The following KCNAB3 variants were observed in gnomAD, a reference collection of about 807,000 sequenced individuals.
The protein encoded by KCNAB3 is voltage-gated potassium channel subunit beta-3.
In KCNAB3, 62 loss-of-function variants were observed where a neutral mutation model predicts 67.7. The ratio of observed to expected loss-of-function variants is 0.92; its 90% confidence interval spans 0.75 to 1.13. The LOEUF is 1.13. Ranked by LOEUF, KCNAB3 falls within the 50% of genes most tolerant of loss-of-function variation. The pLI is 0.00. For synonymous variants in KCNAB3, 212 were observed against 205.4 expected (o/e 1.03, Z -0.27); for missense variants, 514 against 522.9 (o/e 0.98, Z 0.17).
intron 1 of KCNAB3, chr17:7,928,173 G>A (rs985789412): frequency 1.5e-5 from 6 of 409,716 alleles, no homozygotes; most frequent in Non-Finnish European, 2.7e-5. Context: ...GGGGCTGGGA[G>A]GAATTTTGTT....
At chr17:7,926,139 C>T in intron 4 of KCNAB3, 36 bp from the exon 5 acceptor site, 1 of 1,612,418 alleles carries the variant, frequency 6.2e-7, no homozygotes, top group Non-Finnish European at 8.5e-7. Flanking sequence ...CTGATCCCTT[C>T]TAGGCCAATC....
rs1272957694 is a variant in KCNAB3, at chr17:7,925,123, C to T, written c.599G>A (p.Arg200His). The T allele has an allele frequency of 1.7e-5, 28 of 1,613,424 alleles. No individual in the cohort carries two copies. Among genetic ancestry groups the T allele is most frequent in the East Asian group, 4.5e-5 (2 of 44,850 alleles). ...CTCCATAGGACAGTTGGGGTCTGAG[C>T]GATTGGCAAAGACAATGTCCACGTA... Reference protein sequence around the residue: ...LGYVDIVFANRSDPNCPMEEI... With the variant: ...LGYVDIVFANHSDPNCPMEEI... The change falls in exon 8 of 14, where the codon CGC (arginine) becomes CAC (histidine). Residue 200 changes from arginine (R) to histidine (H), a missense_variant. Coordinates refer to ENST00000303790, the MANE Select transcript of KCNAB3 (RefSeq NM_004732.4).
At chr17:7,928,516 G>C (rs759709028) in intron 1 of KCNAB3, among the ~76,000 whole-genome samples, 26 of 152,026 alleles carry the variant, frequency 1.7e-4, no homozygotes, top group Non-Finnish European at 3.4e-4. Context: ...CCATATAGAG[G>C]GGATCAGATT....
In KCNAB3 at chr17:7,923,719, A is replaced by G; in HGVS notation, c.1040T>C (p.Leu347Pro). The change falls in exon 12 of 14, where the codon CTT becomes CCT. Residue 347 changes from leucine (L) to proline (P), a missense_variant. Physicochemically the swap from Leu to Pro is moderately conservative, Grantham distance 98. Transcript: ENST00000303790. Reference protein sequence around the residue: ...AHQLGCTVAQLAIAWCLRSEG... With the variant: ...AHQLGCTVAQPAIAWCLRSEG... The stretch of plus-strand genomic sequence containing the variant: ...AGGGTGCAATGTCTCACCAATAGCA[A>G]GCTGGGCCACGGTGCAGCCCAGCTG... The G allele has an allele frequency of 3.8e-6, 6 of 1,561,520 alleles. No individual in the cohort carries two copies. Among genetic ancestry groups the G allele is most frequent in the Non-Finnish European group, 5.2e-6 (6 of 1,152,040 alleles).
intron 6 of KCNAB3, 101 bp downstream of exon 6, chr17:7,925,830 G>T: frequency 6.3e-7 from 1 of 1,591,192 alleles, no homozygotes; most frequent in Non-Finnish European, 8.6e-7. Context: ...CACAGGCATG[G>T]TGCGGACCTG....
chr17:7,922,742 G>T lies in KCNAB3; in HGVS notation c.*360C>A, dbSNP rs187332528. 41 of 332,158 alleles carry T rather than the reference G, an allele frequency of 1.2e-4. No individual in the cohort carries two copies. The highest frequency in any genetic ancestry group is 1.8e-4 in the Non-Finnish European group (32 of 173,016). The allele number at this position is 332,158 out of a possible 1,614,324, so 20.6% of individuals were successfully genotyped here. ...TTTTGAGGTACACTGTATGTTTCTT[G>T]TATGTGCTGGGTTTTTGTTTTTGTT... On this transcript the variant is annotated 3_prime_UTR_variant, in exon 14 of 14. Coordinates refer to ENST00000303790, the MANE Select transcript of KCNAB3 (RefSeq NM_004732.4).
chr17:7,929,335 C>T lies in KCNAB3; in HGVS notation c.101G>A (p.Gly34Glu). The change falls in exon 1 of 14, where the codon GGG becomes GAG. Residue 34 changes from glycine to glutamate, a missense_variant. Coordinates refer to ENST00000303790, the MANE Select transcript of KCNAB3 (RefSeq NM_004732.4). The surrounding 1 kb of genome is among the most constrained non-coding windows in gnomAD (Gnocchi z 5.7). ...PRPGPGGGNG[G>E]PAGGGHGNPP... ...ATTCCCGTGCCCCCCGCCGGCCGGC[C>T]CACCATTACCGCCCCCGGGGCCCGG... 1 of 1,550,368 alleles carries T rather than the reference C, an allele frequency of 6.5e-7. No individual in the cohort carries two copies. The highest frequency in any genetic ancestry group is 8.7e-7 in the Non-Finnish European group (1 of 1,147,322).
At chr17:7,926,009 A>G (rs1972217878) in intron 5 of KCNAB3, 34 bp from the exon 6 acceptor site, 1 of 1,614,196 alleles carries the variant, frequency 6.2e-7, no homozygotes, top group African/African-American at 1.3e-5. Context: ...CCAGTAAGAA[A>G]AGGATTTTTG....
At chr17:7,927,526 C>A (rs1972274775) in intron 3 of KCNAB3, 103 bp from the exon 4 acceptor site, 1 of 1,503,550 alleles carries the variant, frequency 6.7e-7, no homozygotes, top group African/African-American at 1.4e-5. Context: ...TAGTCTCTCC[C>A]CTCTCCCCAT....
chr17:7,927,597 T>G (rs535440503), intron 3 of KCNAB3, 60 bp downstream of exon 3: 2 of 1,599,884 alleles, frequency 1.3e-6, no homozygotes, highest in African/African-American at 1.3e-5. Context: ...CCAGGTTCAC[T>G]TCCCTTTTTT....
chr17:7,928,779 G>T (rs1489266631), intron 1 of KCNAB3, among the ~76,000 whole-genome samples: 1 of 152,212 alleles, frequency 6.6e-6, no homozygotes, highest in African/African-American at 2.4e-5. Flanking sequence ...GCAGGCAGGG[G>T]CAGTATCTGG....
In KCNAB3 at chr17:7,929,823, GGGCTC is replaced by G; in HGVS notation, c.-393_-389del. 1.4e-5 allele frequency: 14 copies of G among 1,012,426 alleles called. No individual in the cohort carries two copies. Among genetic ancestry groups the G allele is most frequent in the South Asian group, 1.2e-4 (3 of 25,142 alleles). The allele number at this position is 1,012,426 out of a possible 1,614,324, so 62.7% of individuals were successfully genotyped here. On this transcript the variant is annotated 5_prime_UTR_variant, in exon 1 of 14. Transcript: ENST00000303790. The surrounding 1 kb of genome is among the most constrained non-coding windows in gnomAD (Gnocchi z 5.7). ...AGCGCGAACCGCTGCGGGACCCGCT[GGGCTC>G]CCAGCCGCGTCGGCAGCGGGCCCAG...
Position 7,925,121 on chromosome 17 carries a change from A to C in KCNAB3, c.601T>G (p.Ser201Ala). Residue 201 changes from serine to alanine, a missense_variant, in exon 8 of 14, where the codon TCA (serine) becomes GCA (alanine). Coordinates refer to ENST00000303790, the MANE Select transcript of KCNAB3 (RefSeq NM_004732.4). Reference sequence around the variant, plus strand: ...CCCTCCATAGGACAGTTGGGGTCTGAGCGATTGGCAAAGACAATGTCCACG... The same window carrying C: ...CCCTCCATAGGACAGTTGGGGTCTGCGCGATTGGCAAAGACAATGTCCACG... ...GYVDIVFANR[S>A]DPNCPMEEIV... 2.5e-6 allele frequency: 4 copies of C among 1,613,552 alleles called. No homozygotes were observed. Among genetic ancestry groups the C allele is most frequent in the Non-Finnish European group, 3.4e-6 (4 of 1,179,684 alleles).
chr17:7,929,473 A>G lies in KCNAB3; in HGVS notation c.-38T>C. Reference sequence around the variant, plus strand: ...AGGCGGGGGAGGGGGCTCCGAGGGGACGGGAGGGGGGAGCAGGGAAGCCCG... The same window carrying G: ...AGGCGGGGGAGGGGGCTCCGAGGGGGCGGGAGGGGGGAGCAGGGAAGCCCG... On this transcript the variant is annotated 5_prime_UTR_variant, in exon 1 of 14. Coordinates refer to ENST00000303790, the MANE Select transcript of KCNAB3 (RefSeq NM_004732.4). The surrounding 1 kb of genome is among the most constrained non-coding windows in gnomAD (Gnocchi z 5.7). 1 of 1,424,002 alleles carries G rather than the reference A, an allele frequency of 7.0e-7. No homozygotes were observed. The highest frequency in any genetic ancestry group is 2.1e-5 in the Admixed American group (1 of 47,900). 88.2% of individuals were successfully genotyped at this position (1,424,002 alleles called of 1,614,324 possible). A position where few individuals can be genotyped will look rare whatever the true frequency, so the allele number is the denominator to read the frequency against.
At chr17:7,923,374 AGAGCCATCCTGGG>A in intron 13 of KCNAB3, 69 bp downstream of exon 13, 4 of 1,417,642 alleles carry the variant, frequency 2.8e-6, no homozygotes, top group Non-Finnish European at 3.9e-6. Context: ...GTGACCTGAT[AGAGCCATCCTGGG>A]TTGGATAGCG....
chr17:7,928,867 C>G (rs897441756), intron 1 of KCNAB3, among the ~76,000 whole-genome samples: 4 of 152,164 alleles, frequency 2.6e-5, no homozygotes, highest in African/African-American at 9.7e-5. Flanking sequence ...CAAGGACACT[C>G]CACTGGAGGA....
At chr17:7,925,865 C>A in intron 6 of KCNAB3, 66 bp downstream of exon 6, 1 of 1,463,016 alleles carries the variant, frequency 6.8e-7, no homozygotes, top group South Asian at 1.1e-5. Flanking sequence ...TCCCCACCCC[C>A]ACCCCATACA....
chr17:7,924,612 T>C (rs1170862305), intron 8 of KCNAB3, 112 bp from the exon 9 acceptor site: 4 of 1,447,016 alleles, frequency 2.8e-6, no homozygotes, highest in Non-Finnish European at 3.6e-6. Context: ...TATGGAGTCA[T>C]GAAAGTTAAT....
At position 7,927,347 on chromosome 17, in the gene KCNAB3, C is replaced by A. The variant is rs758493065; in HGVS notation, c.401G>T (p.Gly134Val). Residue 134 changes from glycine (G) to valine (V), a missense_variant, in exon 4 of 14, where the codon GGA becomes GTA. Transcript: ENST00000303790. The stretch of plus-strand genomic sequence containing the variant: ...GCTCTTTCACCCCAGTCCTTACTTT[C>A]CTGCTGCGTACACTTCGGCGGTGTC... ...LFDTAEVYAAGKAERTLGNIL... is the reference protein window; with the variant it reads ...LFDTAEVYAAVKAERTLGNIL... The A allele has an allele frequency of 6.2e-7, 1 of 1,613,774 alleles. No individual in the cohort carries two copies. The highest frequency in any genetic ancestry group is 8.5e-7 in the Non-Finnish European group (1 of 1,179,948).
Sources: allele counts gnomAD v4.1 joint callset (sites outside exome capture counted in the v4.1 genomes callset), GRCh38; gene constraint gnomAD v4.1.1; non-coding constraint Gnocchi (gnomAD v3.1); transcripts MANE v1.5; gene names NCBI Gene and HGNC (gene_info 2026-07-23, HGNC 2026-07-21).